The following RRP36 variants were observed in gnomAD, a reference collection of about 807,000 sequenced individuals.
The protein encoded by RRP36 is ribosomal RNA processing protein 36 homolog.
RRP36 carries 44 observed loss-of-function variants against 39.8 expected under a neutral mutation model. The observed-to-expected ratio is 1.10, with a 90% CI of 0.87 to 1.42. The LOEUF (loss-of-function observed/expected upper bound fraction) is 1.42, where lower values mean the gene tolerates loss of function less well. RRP36 is among the 40% of genes most tolerant of loss of function. The pLI is 0.00. For missense variants in RRP36, 316 were observed against 322.4 expected (o/e 0.98, Z 0.15); for synonymous variants, 124 against 123.1 (o/e 1.01, Z -0.05).
chr6:43,027,712 A>AC (rs397973528), intron 6 of RRP36, among the ~76,000 whole-genome samples: 10,644 of 44,988 alleles, frequency 0.24, 2,854 homozygotes, highest in South Asian at 0.34. Context: ...CCACTTCCCA[A>AC]CCCCCCCCCC....
In RRP36 at chr6:43,029,452, G is replaced by A. The variant is rs934037859; in HGVS notation, c.*224G>A. ...CCTCAGCTTGAATCTGGTTCATTGC[G>A]TCCTCGTGTTCTTCTCTCATCCTTG... On this transcript the variant is annotated 3_prime_UTR_variant, in exon 7 of 7. Coordinates refer to ENST00000244496, the MANE Select transcript of RRP36 (RefSeq NM_033112.4). 28 of 459,612 alleles carry A rather than the reference G, an allele frequency of 6.1e-5. No individual in the cohort carries two copies. The highest frequency in any genetic ancestry group is 3.4e-4 in the East Asian group (10 of 29,796). 28.5% of individuals were successfully genotyped at this position (459,612 alleles called of 1,614,324 possible).
intron 1 of RRP36, 88 bp downstream of exon 1, chr6:43,021,872 G>A: frequency 9.7e-7 from 1 of 1,031,814 alleles, no homozygotes; most frequent in Non-Finnish European, 1.2e-6. Flanking sequence ...CGGTAAGACT[G>A]CCAAGTTCTC....
At position 43,025,093 on chromosome 6, in the gene RRP36, G is replaced by T. The variant is rs1353683272; in HGVS notation, c.239G>T (p.Arg80Ile). ...AATAGTCCTAAGAAACAAGCTTCTA[G>T]ACCACCTATCCAAAATGCATGTGTT... ...AGNSPKKQAS[R>I]PPIQNACVAD... Residue 80 changes from arginine (R) to isoleucine (I), a missense_variant, in exon 2 of 7, where the codon AGA (arginine) becomes ATA (isoleucine). Arg to Ile is a moderately conservative substitution (Grantham distance 97). Coordinates refer to ENST00000244496, the MANE Select transcript of RRP36 (RefSeq NM_033112.4). The T allele has an allele frequency of 6.2e-7, 1 of 1,614,170 alleles. No homozygotes were observed. The highest frequency in any genetic ancestry group is 8.5e-7 in the Non-Finnish European group (1 of 1,180,028).
rs1332886019 is a variant in RRP36, at chr6:43,027,199, A to C, written c.472A>C (p.Lys158Gln). 2 of 1,614,200 alleles carry C rather than the reference A, an allele frequency of 1.2e-6. No homozygotes were observed. The highest frequency in any genetic ancestry group is 1.7e-6 in the Non-Finnish European group (2 of 1,179,994). The change falls in exon 5 of 7, where the codon AAG becomes CAG. Residue 158 changes from lysine to glutamine, a missense_variant. Lys to Gln is a moderately conservative substitution (Grantham distance 53, BLOSUM62 1). Coordinates refer to ENST00000244496, the MANE Select transcript of RRP36 (RefSeq NM_033112.4). ...GGAGCTTGTGAAAAAACAGTTGAAG[A>C]AGCACCTTTCAGGAGAGGAGCATGA... ...EKELVKKQLK[K>Q]HLSGEEHEKL...
In RRP36 at chr6:43,024,972, C is replaced by T. The variant is rs1467313472; in HGVS notation, c.131-13C>T. The stretch of plus-strand genomic sequence containing the variant: ...TGCTGAGCTGAGTTGTATGTCCCTC[C>T]CCACTTCCACAGGCACATCTAACAT... On this transcript the variant is annotated splice_polypyrimidine_tract_variant and intron_variant, in intron 1 of 6. Transcript: ENST00000244496. The T allele has an allele frequency of 1.9e-6, 3 of 1,613,084 alleles. No individual in the cohort carries two copies. The highest frequency in any genetic ancestry group is 2.7e-5 in the African/African-American group (2 of 74,906).
chr6:43,025,622 C>CAA (rs1219326852), intron 3 of RRP36, among the ~76,000 whole-genome samples: 127 of 63,212 alleles, frequency 2.0e-3, no homozygotes, highest in Middle Eastern at 8.9e-3. Context: ...GACTCTGTCT[C>CAA]AAAAAAAAAA....
chr6:43,027,903 T>G (rs1762846824), intron 6 of RRP36, among the ~76,000 whole-genome samples: 1 of 136,170 alleles, frequency 7.3e-6, no homozygotes, highest in South Asian at 2.3e-4. Flanking sequence ...TATCTCTTGG[T>G]CTACACACAC....
Position 43,021,752 on chromosome 6 carries a change from AGCCCGCGGCCGTG to A in RRP36, c.106_118del (p.Ala36ThrfsTer3). On this transcript the variant is annotated frameshift_variant, in exon 1 of 7. Coordinates refer to ENST00000244496, the MANE Select transcript of RRP36 (RefSeq NM_033112.4). LOFTEE classifies it high-confidence loss of function. ...CGCGAGGAGGACGGCGGGGGCCTGG[AGCCCGCGGCCGTG>A]GCCCGCGACCTATTGAGGGGTGAGG... is the stretch of plus-strand genomic sequence containing the variant. The A allele has an allele frequency of 8.9e-7, 1 of 1,119,534 alleles. No individual in the cohort carries two copies. Among genetic ancestry groups the A allele is most frequent in the Non-Finnish European group, 1.1e-6 (1 of 919,450 alleles). 69.4% of individuals were successfully genotyped at this position (1,119,534 alleles called of 1,614,324 possible).
rs568917837 is a variant in RRP36 at position 43,029,219 on chromosome 6, C to CA, written c.774dup (p.Glu259ArgfsTer39). 6.8e-6 allele frequency: 11 copies of CA among 1,614,050 alleles called. No individual in the cohort carries two copies. Among genetic ancestry groups the CA allele is most frequent in the Non-Finnish European group, 8.5e-6 (10 of 1,180,028 alleles). Reference sequence around the variant, plus strand: ...AGGACAGGAGACATCTCCCTTTGAGCAAAGAGTAATAAGGAACTATCCTCT... The same window carrying CA: ...AGGACAGGAGACATCTCCCTTTGAGCAAAAGAGTAATAAGGAACTATCCTCT... On this transcript the variant is annotated frameshift_variant, in exon 7 of 7. Coordinates refer to ENST00000244496, the MANE Select transcript of RRP36 (RefSeq NM_033112.4). LOFTEE classifies it high-confidence loss of function.
chr6:43,027,039 C>CTG (rs1762823722), intron 4 of RRP36, 139 bp from the exon 5 acceptor site: 1 of 690,094 alleles, frequency 1.4e-6, no homozygotes, highest in African/African-American at 1.8e-5. Context: ...GCACTCAAGC[C>CTG]TGTGACAGAG....
rs1314517404 is a variant in RRP36 at position 43,027,500 on chromosome 6, T to C, written c.643+23T>C. ...AATGTGAGTTGGGCACAACTGTTGC[T>C]AACAGGGACAGGGGTGCAGGGGCCA... On this transcript the variant is annotated intron_variant, in intron 6 of 6. Coordinates refer to ENST00000244496, the MANE Select transcript of RRP36 (RefSeq NM_033112.4). 1.9e-6 allele frequency: 3 copies of C among 1,595,866 alleles called. No homozygotes were observed. The South Asian group carries it at 3.3e-5, about 18-fold the overall frequency.
At position 43,021,678 on chromosome 6, in the gene RRP36, C is replaced by A; in HGVS notation, c.24C>A (p.Ala8=). 2.3e-6 allele frequency: 2 copies of A among 868,318 alleles called. No individual in the cohort carries two copies. The highest frequency in any genetic ancestry group is 6.4e-5 in the South Asian group (1 of 15,628). The allele number at this position is 868,318 out of a possible 1,614,324, so 53.8% of individuals were successfully genotyped here. A position where few individuals can be genotyped will look rare whatever the true frequency, so the allele number is the denominator to read the frequency against. Residue 8 remains alanine (A), a synonymous_variant, in exon 1 of 7, where the codon GCC becomes GCA. Transcript: ENST00000244496. MPGANYR[A]GAGAGAGARR... is the part of the protein sequence containing the mutation. ...TGATGCCGGGAGCTAACTACCGCGC[C>A]GGGGCCGGGGCCGGGGCCGGGGCCC...
chr6:43,022,898 TG>T lies in RRP36; in HGVS notation c.130+1117del, dbSNP rs530789158. 2.9e-3 allele frequency among the ~76,000 whole-genome samples: 445 copies of T among 152,188 alleles called. 3 individuals are homozygous for T. The highest frequency in any genetic ancestry group is 1.0e-2 in the African/African-American group (415 of 41,540). ...CGCCCGCCTCGGCCTCCCAAAGTGC[TG>T]GGATTACAGGCGTGAGCCACCTCGC... is the stretch of plus-strand genomic sequence containing the variant. On this transcript the variant is annotated intron_variant, in intron 1 of 6. Coordinates refer to ENST00000244496, the MANE Select transcript of RRP36 (RefSeq NM_033112.4).
At chr6:43,027,970 C>T (rs577999831) in intron 6 of RRP36, among the ~76,000 whole-genome samples, 10 of 152,284 alleles carry the variant, frequency 6.6e-5, no homozygotes, top group Non-Finnish European at 8.8e-5. Flanking sequence ...CATGCACACA[C>T]GCTGGGCCAG....
intron 3 of RRP36, among the ~76,000 whole-genome samples, chr6:43,025,769 A>C (rs563497222): frequency 5.3e-5 from 8 of 150,892 alleles, no homozygotes; most frequent in Admixed American, 3.9e-4. Context: ...GTCTCTACTA[A>C]AAATACAAAA....
intron 1 of RRP36, among the ~76,000 whole-genome samples, chr6:43,022,058 C>CT (rs1762726176): frequency 1.3e-5 from 2 of 152,074 alleles, no homozygotes; most frequent in Admixed American, 6.5e-5. Context: ...TGCATGGCTG[C>CT]TGAAGGCTTA....
chr6:43,027,385 A>C lies in RRP36; in HGVS notation c.551A>C (p.Glu184Ala), dbSNP rs766804064. Residue 184 changes from glutamate (E) to alanine (A), a missense_variant, in exon 6 of 7, where the codon GAA (glutamate) becomes GCA (alanine). By Grantham distance (107) the Glu-to-Ala change is moderately radical. Coordinates refer to ENST00000244496, the MANE Select transcript of RRP36 (RefSeq NM_033112.4). ...GAGCAGCAAGAAATGGCACAGCAGG[A>C]ACGAAAGCAACAGCAGGAGCTGCAC... ...RMEQQEMAQQ[E>A]RKQQQELHLA... The C allele has an allele frequency of 6.2e-7, 1 of 1,614,110 alleles. No individual in the cohort carries two copies. The highest frequency in any genetic ancestry group is 8.5e-7 in the Non-Finnish European group (1 of 1,180,054).
intron 4 of RRP36, 102 bp from the exon 5 acceptor site, chr6:43,027,072 ATGTG>A: frequency 2.1e-6 from 2 of 949,258 alleles, no homozygotes; most frequent in South Asian, 1.5e-5. Flanking sequence ...TCAAAAAAAA[ATGTG>A]TGTGTGTGTA....
rs2150298106 is a variant in RRP36 at position 43,029,183 on chromosome 6, A to G, written c.735A>G (p.Arg245=). 6.2e-7 allele frequency: 1 copy of G among 1,614,252 alleles called. No homozygotes were observed. The highest frequency in any genetic ancestry group is 8.5e-7 in the Non-Finnish European group (1 of 1,180,036). The change falls in exon 7 of 7, where the codon CGA becomes CGG. Residue 245 remains arginine, a synonymous_variant. Coordinates refer to ENST00000244496, the MANE Select transcript of RRP36 (RefSeq NM_033112.4). ...ACTTCTTGAGTCGAAAGAGGCGACG[A>G]AATGCAGGCAAGGACAGGAGACATC... is the stretch of plus-strand genomic sequence containing the variant. ...LENFLSRKRR[R]NAGKDRRHLP...
Sources: allele counts gnomAD v4.1 joint callset (sites outside exome capture counted in the v4.1 genomes callset), GRCh38; gene constraint gnomAD v4.1.1; transcripts MANE v1.5; gene names NCBI Gene and HGNC (gene_info 2026-07-23, HGNC 2026-07-21).